The following UNC13D variants were observed in gnomAD, a reference collection of about 807,000 sequenced individuals.
UNC13D encodes protein unc-13 homolog D.
A neutral mutation model predicts 151.7 loss-of-function variants in UNC13D; 115 were observed. The observed-to-expected ratio is 0.76, with a 90% confidence interval of 0.65 to 0.88. The LOEUF is 0.88. Ranked by LOEUF, UNC13D falls within the 40% of genes least tolerant of loss-of-function variation. The pLI is 0.00. For synonymous variants in UNC13D, 588 were observed against 612.2 expected (o/e 0.96, Z 0.58); for missense variants, 1,369 against 1,438.7 (o/e 0.95, Z 0.78).
Position 75,839,406 on chromosome 17 carries a change from CAAA to C in UNC13D, c.1055+430_1055+432del, listed in dbSNP as rs34913290. ...GGGCAACAAGGGTGAAACTCCGTTT[CAAA>C]AAAAAAAAAAAAAAGCAGCAAAATG... On this transcript the variant is annotated intron_variant, in intron 12 of 31. Transcript: ENST00000207549. Among the ~76,000 whole-genome samples, 53 of 110,706 alleles carry C rather than the reference CAAA, an allele frequency of 4.8e-4. No homozygotes were observed. In the Middle Eastern group the frequency reaches 0.015, roughly 30 times the overall value. 72.6% of individuals were successfully genotyped at this position (110,706 alleles called of 152,430 possible).
chr17:75,841,135 CTTT>C (rs34691954), intron 6 of UNC13D, 134 bp from the exon 7 acceptor site: 6,957 of 288,850 alleles, frequency 0.024, 1 homozygote, highest in East Asian at 0.042. Context: ...AGCCGCATCC[CTTT>C]TTTTTTTTTT....
At position 75,827,628 on chromosome 17, in the gene UNC13D, G is replaced by C. The variant is rs1472323365; in HGVS notation, c.*337C>G. On this transcript the variant is annotated 3_prime_UTR_variant, in exon 32 of 32. Coordinates refer to ENST00000207549, the MANE Select transcript of UNC13D (RefSeq NM_199242.3). ...AACAGGAAGGCCAGGAGGCAGATGG[G>C]CCAGGGCCAGGAGACAGATGGCCCA... is the stretch of plus-strand genomic sequence containing the variant. 5.9e-6 allele frequency: 9 copies of C among 1,535,224 alleles called. No individual in the cohort carries two copies. Among genetic ancestry groups the C allele is most frequent in the Non-Finnish European group, 7.8e-6 (9 of 1,146,668 alleles).
chr17:75,833,966 A>G lies in UNC13D; in HGVS notation c.2367+109T>C. The G allele has an allele frequency of 1.4e-6, 2 of 1,406,612 alleles. No homozygotes were observed. Among genetic ancestry groups the G allele is most frequent in the Non-Finnish European group, 2.0e-6 (2 of 1,000,994 alleles). The allele number at this position is 1,406,612 out of a possible 1,614,324, so 87.1% of individuals were successfully genotyped here. ...GGAAACTGAGGCCCAGGGAGAGAAC[A>G]TGCTTTGCCTGGTCTGGGGGACTTA... On this transcript the variant is annotated intron_variant, in intron 24 of 31. Transcript: ENST00000207549. This position sits in a 1 kb window ranked among gnomAD's most constrained non-coding sequence, Gnocchi z 4.0.
chr17:75,837,986 C>G (rs2064920579), intron 12 of UNC13D, among the ~76,000 whole-genome samples: 1 of 152,104 alleles, frequency 6.6e-6, no homozygotes, highest in South Asian at 2.1e-4. Flanking sequence ...GCAGGCAAAC[C>G]AGGTCCCTCC....
Position 75,827,683 on chromosome 17 carries a change from A to C in UNC13D, c.*282T>G, listed in dbSNP as rs1043899078. 1 of 1,528,790 alleles carries C rather than the reference A, an allele frequency of 6.5e-7. No homozygotes were observed. Among genetic ancestry groups the C allele is most frequent in the Non-Finnish European group, 8.8e-7 (1 of 1,142,264 alleles). 94.7% of individuals were successfully genotyped at this position (1,528,790 alleles called of 1,614,324 possible). On this transcript the variant is annotated 3_prime_UTR_variant, in exon 32 of 32. Coordinates refer to ENST00000207549, the MANE Select transcript of UNC13D (RefSeq NM_199242.3). ...CCTGCCCACCACAGCAGCTTTTCTG[A>C]GAGGCGGGCAGGGGCAGGGTTTGCT...
At chr17:75,835,149 G>A in intron 20 of UNC13D, 86 bp from the exon 21 acceptor site, 1 of 1,574,106 alleles carries the variant, frequency 6.4e-7, no homozygotes, top group South Asian at 1.1e-5. Context: ...ACCATCACCA[G>A]GCACAGAGCT....
At chr17:75,828,155 G>A in intron 31 of UNC13D, 69 bp from the exon 32 acceptor site, 1 of 1,537,786 alleles carries the variant, frequency 6.5e-7, no homozygotes, top group Non-Finnish European at 8.8e-7. Flanking sequence ...GCAGAGAAGA[G>A]TGTGTGGGGG....
At position 75,835,853 on chromosome 17, in the gene UNC13D, AC is replaced by A; in HGVS notation, c.1596+1del. ...TGCCCTAGAGACGGGGGAGGGACTC[AC>A]CAGCCACTGCAGCTCCCGGAAAGCC... is the stretch of plus-strand genomic sequence containing the variant. On this transcript the variant is annotated splice_donor_variant, in intron 18 of 31. Coordinates refer to ENST00000207549, the MANE Select transcript of UNC13D (RefSeq NM_199242.3). LOFTEE classifies it high-confidence loss of function. 6.2e-7 allele frequency: 1 copy of A among 1,612,212 alleles called. No homozygotes were observed. Among genetic ancestry groups the A allele is most frequent in the Non-Finnish European group, 8.5e-7 (1 of 1,179,722 alleles).
chr17:75,831,063 G>A, intron 27 of UNC13D, 35 bp downstream of exon 27: 1 of 1,612,744 alleles, frequency 6.2e-7, no homozygotes, highest in Non-Finnish European at 8.5e-7. Flanking sequence ...AGGCTCCCCA[G>A]ACTTCCTACG....
intron 30 of UNC13D, among the ~76,000 whole-genome samples, chr17:75,829,314 G>A (rs993679869): frequency 2.6e-5 from 4 of 152,160 alleles, no homozygotes; most frequent in African/African-American, 9.7e-5. Context: ...TTTTTTTTCT[G>A]AGACGGAGTC....
Position 75,828,050 on chromosome 17 carries a change from C to CCCTT in UNC13D, c.3184_3187dup (p.Gly1063GlufsTer3). The CCCTT allele has an allele frequency of 1.3e-6, 2 of 1,575,300 alleles. No homozygotes were observed. The highest frequency in any genetic ancestry group is 1.7e-6 in the Non-Finnish European group (2 of 1,160,882). ...CACAAAGACCTGGGCTTCTCGGTCA[C>CCCTT]CCTTCCGGCCCTCCAGCAGCTGCAG... On this transcript the variant is annotated frameshift_variant, in exon 32 of 32. Coordinates refer to ENST00000207549, the MANE Select transcript of UNC13D (RefSeq NM_199242.3). LOFTEE classifies it high-confidence loss of function.
intron 30 of UNC13D, 55 bp downstream of exon 30, chr17:75,829,973 A>T: frequency 6.4e-7 from 1 of 1,557,650 alleles, no homozygotes; most frequent in Non-Finnish European, 8.7e-7. Context: ...GGCCTGAGGG[A>T]GCCCAGTGGG....
chr17:75,831,396 CGGAGGA>C (rs1353234546), intron 25 of UNC13D, 48 bp from the exon 26 acceptor site: 1 of 1,554,234 alleles, frequency 6.4e-7, no homozygotes, highest in Non-Finnish European at 8.8e-7. Context: ...AGGGCGGTGG[CGGAGGA>C]GGAAGCAAAG....
intron 1 of UNC13D, 169 bp downstream of exon 1, chr17:75,844,052 G>A: frequency 6.9e-7 from 1 of 1,442,130 alleles, no homozygotes. Context: ...CCATCTGGCA[G>A]CCCCTGCTCT....
Position 75,833,978 on chromosome 17 carries a change from G to T in UNC13D, c.2367+97C>A. Reference sequence around the variant, plus strand: ...CCAGGGAGAGAACATGCTTTGCCTGGTCTGGGGGACTTATCTTTGACACCA... The same window carrying T: ...CCAGGGAGAGAACATGCTTTGCCTGTTCTGGGGGACTTATCTTTGACACCA... On this transcript the variant is annotated intron_variant, in intron 24 of 31. Coordinates refer to ENST00000207549, the MANE Select transcript of UNC13D (RefSeq NM_199242.3). The surrounding 1 kb of genome is among the most constrained non-coding windows in gnomAD (Gnocchi z 4.0). 1 of 1,474,630 alleles carries T rather than the reference G, an allele frequency of 6.8e-7. No individual in the cohort carries two copies. The highest frequency in any genetic ancestry group is 9.4e-7 in the Non-Finnish European group (1 of 1,059,174). 91.3% of individuals were successfully genotyped at this position (1,474,630 alleles called of 1,614,324 possible).
In UNC13D at chr17:75,833,437, G is replaced by A. The variant is rs540391581; in HGVS notation, c.2368-392C>T. Among the ~76,000 whole-genome samples the A allele has an allele frequency of 6.6e-5, 10 of 151,418 alleles. No homozygotes were observed. The highest frequency in any genetic ancestry group is 2.2e-4 in the African/African-American group (9 of 40,846). On this transcript the variant is annotated intron_variant, in intron 24 of 31. Transcript: ENST00000207549. This position sits in a 1 kb window ranked among gnomAD's most constrained non-coding sequence, Gnocchi z 4.0. ...TACAACCCTCTGACACTTCTCAGCC[G>A]CTTCTCTGTTTTAAATTTTCTCTGT...
Position 75,840,166 on chromosome 17 carries a change from G to A in UNC13D, c.859-56C>T, listed in dbSNP as rs373146017. The A allele has an allele frequency of 3.3e-4, 533 of 1,611,132 alleles. 1 individual carries two copies. Among genetic ancestry groups the A allele is most frequent in the Non-Finnish European group, 4.2e-4 (491 of 1,178,402 alleles). ...CCTCACACTGGGTGCAGCCAGCCCC[G>A]CAACCCAGCAGACCGCCGCAAGAGC... is the stretch of plus-strand genomic sequence containing the variant. On this transcript the variant is annotated intron_variant, in intron 10 of 31. Coordinates refer to ENST00000207549, the MANE Select transcript of UNC13D (RefSeq NM_199242.3). The surrounding 1 kb of genome is among the most constrained non-coding windows in gnomAD (Gnocchi z 4.6).
chr17:75,828,792 G>A lies in UNC13D; in HGVS notation c.3146C>T (p.Pro1049Leu), dbSNP rs765735106. ...TGCCCTGGGCTCAGGCCTACCGTTGGGTGCGGGGTACGTGAGGGGCAGGCG... is the reference window on the plus strand; with the variant it reads ...TGCCCTGGGCTCAGGCCTACCGTTGAGTGCGGGGTACGTGAGGGGCAGGCG... ...QTRLPLTYPAPNGDPILQLLE... is the reference protein window; with the variant it reads ...QTRLPLTYPALNGDPILQLLE... Residue 1049 changes from proline to leucine, a missense_variant, in exon 31 of 32, where the codon CCC (proline) becomes CTC (leucine). By Grantham distance (98) the Pro-to-Leu change is moderately conservative. This residue lies in a region of UNC13D where 807 missense variants were observed against 795.5 expected (regional missense o/e 1.01). Transcript: ENST00000207549. 6.5e-7 allele frequency: 1 copy of A among 1,541,328 alleles called. No homozygotes were observed. The highest frequency in any genetic ancestry group is 1.2e-5 in the South Asian group (1 of 84,134).
In UNC13D at chr17:75,827,555, G is replaced by A; in HGVS notation, c.*410C>T. 6.5e-7 allele frequency: 1 copy of A among 1,534,872 alleles called. No individual in the cohort carries two copies. Among genetic ancestry groups the A allele is most frequent in the Non-Finnish European group, 8.7e-7 (1 of 1,146,328 alleles). On this transcript the variant is annotated 3_prime_UTR_variant, in exon 32 of 32. Transcript: ENST00000207549. The stretch of plus-strand genomic sequence containing the variant: ...CTCTCCCTTTTCCAGGAGACTCTGT[G>A]CCTGTAGCCCTGGTCCCAGTGAACC...
Sources: gnomAD v4.1 joint callset for allele counts (sites outside exome capture counted in the v4.1 genomes callset) on GRCh38, gnomAD v4.1.1 for gene constraint, gnomAD v4.1.1 regional missense constraint, Gnocchi (gnomAD v3.1) non-coding constraint, MANE v1.5 for transcripts, NCBI Gene and HGNC (gene_info 2026-07-23, HGNC 2026-07-21) for gene names.